EXT1: variants seen among roughly 807,000 people sequenced by gnomAD.
The protein encoded by EXT1 is exostosin glycosyltransferase 1.
A neutral mutation model predicts 82.5 loss-of-function variants in EXT1; 20 were observed. The ratio of observed to expected loss-of-function variants is 0.24; its 90% CI spans 0.17 to 0.35. EXT1 has a LOEUF of 0.35. Ranked by LOEUF, EXT1 falls within the 10% of genes least tolerant of loss-of-function variation. The probability of loss-of-function intolerance (pLI) is 1.00; values close to 1 mark genes in which losing one functional copy is unlikely to be tolerated. For missense variants in EXT1, 757 were observed against 936.5 expected (o/e 0.81, Z 2.50); for synonymous variants, 348 against 350.8 (o/e 0.99, Z 0.09).
intron 4 of EXT1, among the ~76,000 whole-genome samples, chr8:117,823,671 T>C (rs995065906): frequency 7.2e-5 from 11 of 152,170 alleles, no homozygotes; most frequent in African/African-American, 2.2e-4. Flanking sequence ...TCATTCCACA[T>C]GGTGACTAGA....
At chr8:118,057,648 G>A (rs1379337002) in intron 1 of EXT1, among the ~76,000 whole-genome samples, 1 of 150,378 alleles carries the variant, frequency 6.6e-6, no homozygotes, top group Non-Finnish European at 1.5e-5. Context: ...ATATTGAGGG[G>A]TTCAAAAAAT....
At chr8:118,000,736 G>T (rs1160361540) in intron 1 of EXT1, among the ~76,000 whole-genome samples, 1 of 152,140 alleles carries the variant, frequency 6.6e-6, no homozygotes, top group African/African-American at 2.4e-5. Flanking sequence ...CAATTCCCTA[G>T]TAGCTGTAAC....
In EXT1 at chr8:117,858,853, GAAA is replaced by G. The variant is rs1166476704; in HGVS notation, c.963-21655_963-21653del. ...GGAAGGAAGGAAGGAAGGAAAGAAA[GAAA>G]GAAAGAAAGAAAGAAAGAAAGAAAG... On this transcript the variant is annotated intron_variant, in intron 1 of 10. Transcript: ENST00000378204. 1.8e-3 allele frequency among the ~76,000 whole-genome samples: 96 copies of G among 52,808 alleles called. 2 individuals carry two copies. Among genetic ancestry groups the G allele is most frequent in the African/African-American group, 6.0e-3 (91 of 15,256 alleles). 34.6% of individuals were successfully genotyped at this position (52,808 alleles called of 152,430 possible).
intron 1 of EXT1, among the ~76,000 whole-genome samples, chr8:118,089,551 G>T (rs1050854131): frequency 6.6e-6 from 1 of 152,198 alleles, no homozygotes; most frequent in Non-Finnish European, 1.5e-5. Context: ...ACTATTCAAG[G>T]TGGTTATGGG....
chr8:117,890,308 A>G (rs1813220495), intron 1 of EXT1, among the ~76,000 whole-genome samples: 2 of 152,232 alleles, frequency 1.3e-5, no homozygotes, highest in African/African-American at 4.8e-5. Context: ...TTGCTTCCCA[A>G]GAAACCTTTG....
intron 5 of EXT1, among the ~76,000 whole-genome samples, chr8:117,820,881 A>G (rs1319196548): frequency 6.6e-6 from 1 of 152,142 alleles, no homozygotes; most frequent in Non-Finnish European, 1.5e-5. Context: ...TGAGAAAAAA[A>G]GTATGTGAGG....
chr8:117,964,286 T>TC (rs1201290774), intron 1 of EXT1, among the ~76,000 whole-genome samples: 1 of 152,186 alleles, frequency 6.6e-6, no homozygotes, highest in South Asian at 2.1e-4. Flanking sequence ...TTTATAAGGA[T>TC]CCCCTTAGGT....
At chr8:118,004,241 T>C (rs1815730115) in intron 1 of EXT1, among the ~76,000 whole-genome samples, 1 of 152,248 alleles carries the variant, frequency 6.6e-6, no homozygotes, top group Non-Finnish European at 1.5e-5. Flanking sequence ...GGGATTCACG[T>C]GGCCATGTGT....
At chr8:117,953,761 C>T (rs1814535899) in intron 1 of EXT1, among the ~76,000 whole-genome samples, 1 of 151,648 alleles carries the variant, frequency 6.6e-6, no homozygotes, top group African/African-American at 2.4e-5. Flanking sequence ...ATAATACATA[C>T]AATGTATTAA....
At position 117,973,854 on chromosome 8, in the gene EXT1, AG is replaced by A. The variant is rs1431585560; in HGVS notation, c.962+136230del. 7.0e-3 allele frequency among the ~76,000 whole-genome samples: 1,003 copies of A among 143,258 alleles called. 55 individuals carry two copies. The highest frequency in any genetic ancestry group is 0.025 in the African/African-American group (922 of 37,418). 94.0% of individuals were successfully genotyped at this position (143,258 alleles called of 152,430 possible). Reference sequence around the variant, plus strand: ...AGGAAAGGAAAGGAAAGGAAAGGAAAGGAAAGGAAAGGAAAGGAAAGGAAAG... The same window carrying A: ...AGGAAAGGAAAGGAAAGGAAAGGAAAGAAAGGAAAGGAAAGGAAAGGAAAG... On this transcript the variant is annotated intron_variant, in intron 1 of 10. Transcript: ENST00000378204.
intron 5 of EXT1, among the ~76,000 whole-genome samples, chr8:117,822,133 C>G (rs1393555988): frequency 6.6e-6 from 1 of 151,970 alleles, no homozygotes; most frequent in African/African-American, 2.4e-5. Context: ...GGAGAGCTCT[C>G]CATTTTATAT....
chr8:118,087,090 C>A (rs1435281647), intron 1 of EXT1, among the ~76,000 whole-genome samples: 2 of 152,190 alleles, frequency 1.3e-5, no homozygotes, highest in Non-Finnish European at 2.9e-5. Flanking sequence ...CACTTCAAGG[C>A]TCGTGCCCAG....
In EXT1 at chr8:117,807,257, C is replaced by T. The variant is rs1252579899; in HGVS notation, c.1843G>A (p.Asp615Asn). 1.9e-6 allele frequency: 3 copies of T among 1,614,066 alleles called. No individual in the cohort carries two copies. The highest frequency in any genetic ancestry group is 1.1e-5 in the South Asian group (1 of 91,080). Residue 615 changes from aspartate (D) to asparagine (N), a missense_variant, in exon 9 of 11, where the codon GAC becomes AAC. Transcript: ENST00000378204. ...GCTCCTGTCAACACCATGGAGTAGT[C>T]GTTCGTCCACTTTGATGTGTATCCC... is the stretch of plus-strand genomic sequence containing the variant. ...RWGYTSKWTN[D>N]YSMVLTGAAI...
intron 1 of EXT1, among the ~76,000 whole-genome samples, chr8:117,917,478 A>T (rs977383774): frequency 2.6e-5 from 4 of 152,000 alleles, no homozygotes; most frequent in Non-Finnish European, 5.9e-5. Flanking sequence ...AAATAAAAAT[A>T]AAAAACCTTC....
At chr8:117,895,736 T>C (rs1235027219) in intron 1 of EXT1, among the ~76,000 whole-genome samples, 1 of 152,198 alleles carries the variant, frequency 6.6e-6, no homozygotes, top group Non-Finnish European at 1.5e-5. Context: ...GTCTGGATGT[T>C]TTTGCTTTTT....
At chr8:117,963,332 T>C (rs1211571702) in intron 1 of EXT1, among the ~76,000 whole-genome samples, 3 of 152,120 alleles carry the variant, frequency 2.0e-5, no homozygotes, top group Admixed American at 6.6e-5. Context: ...CATAAGGTGG[T>C]TCTCCTGTCC....
At chr8:118,098,470 T>C (rs1053122214) in intron 1 of EXT1, among the ~76,000 whole-genome samples, 1 of 151,950 alleles carries the variant, frequency 6.6e-6, no homozygotes, top group Non-Finnish European at 1.5e-5. Context: ...GCTAACACAG[T>C]GGCCAGGTGC....
intron 1 of EXT1, among the ~76,000 whole-genome samples, chr8:117,962,005 G>C (rs1222028914): frequency 6.6e-6 from 1 of 152,152 alleles, no homozygotes; most frequent in Non-Finnish European, 1.5e-5. Context: ...TATTAATTAA[G>C]AAGGGTCAGT....
chr8:117,903,367 C>G (rs1813485059), intron 1 of EXT1, among the ~76,000 whole-genome samples: 1 of 152,160 alleles, frequency 6.6e-6, no homozygotes, highest in Non-Finnish European at 1.5e-5. Context: ...GAACACAACT[C>G]TTTGGTGAGC....
Sources: allele counts gnomAD v4.1 joint callset (sites outside exome capture counted in the v4.1 genomes callset), GRCh38; gene constraint gnomAD v4.1.1; transcripts MANE v1.5; gene names NCBI Gene and HGNC (gene_info 2026-07-23, HGNC 2026-07-21).